Variants in MAP3K2 observed in about 807,000 individuals in gnomAD.
The protein encoded by MAP3K2 is mitogen-activated protein kinase kinase kinase 2, also known as MAP/ERK kinase kinase 2.
In MAP3K2, 24 loss-of-function variants were observed where a neutral mutation model predicts 80.3. The ratio of observed to expected loss-of-function variants is 0.30; its 90% CI spans 0.22 to 0.42. The LOEUF is 0.42. MAP3K2 is among the 10% of genes least tolerant of loss of function. The pLI, the probability that MAP3K2 is intolerant of heterozygous loss-of-function variation, is 1.00. For missense variants in MAP3K2, 608 were observed against 750.1 expected, an observed-to-expected ratio of 0.81 and a Z score of 2.21; for synonymous variants, 244 against 253.7, an observed-to-expected ratio of 0.96 and a Z score of 0.36.
Position 127,378,981 on chromosome 2 carries a change from GTTT to G in MAP3K2, c.-66+8468_-66+8470del, listed in dbSNP as rs58961718. Reference sequence around the variant, plus strand: ...GGCTAATTTTGTGGGGTTTTTTGTTGTTTTTTTTTTTTTTTTTTTTTGGAGAGA... The same window carrying G: ...GGCTAATTTTGTGGGGTTTTTTGTTGTTTTTTTTTTTTTTTTTTGGAGAGA... On this transcript the variant is annotated intron_variant, in intron 1 of 16. Transcript: ENST00000682094. 3.8e-3 allele frequency among the ~76,000 whole-genome samples: 331 copies of G among 88,054 alleles called. 2 individuals are homozygous for G. The highest frequency in any genetic ancestry group is 0.016 in the Middle Eastern group (2 of 128). 57.8% of individuals were successfully genotyped at this position (88,054 alleles called of 152,430 possible). A position where few individuals can be genotyped will look rare whatever the true frequency, so the allele number is the denominator to read the frequency against.
chr2:127,314,900 CAA>C lies in MAP3K2; in HGVS notation c.1327-19_1327-18del. On this transcript the variant is annotated intron_variant, in intron 14 of 16. Transcript: ENST00000682094. Reference sequence around the variant, plus strand: ...AATTGAACCCTAGGAGAAAAGAAAACAAAAATAAAAACTACTGTATATGGTTT... The same window carrying C: ...AATTGAACCCTAGGAGAAAAGAAAACAAATAAAAACTACTGTATATGGTTT... 1 of 1,537,714 alleles carries C rather than the reference CAA, an allele frequency of 6.5e-7. No homozygotes were observed. Among genetic ancestry groups the C allele is most frequent in the East Asian group, 2.3e-5 (1 of 42,830 alleles).
At chr2:127,333,546 C>A (rs971994430) in intron 5 of MAP3K2, among the ~76,000 whole-genome samples, 2 of 152,098 alleles carry the variant, frequency 1.3e-5, no homozygotes, top group Non-Finnish European at 2.9e-5. Context: ...CTTTAGTACC[C>A]CCAGTGTCCA....
At chr2:127,348,858 C>A (rs1290035976) in intron 1 of MAP3K2, among the ~76,000 whole-genome samples, 1 of 152,114 alleles carries the variant, frequency 6.6e-6, no homozygotes, top group Non-Finnish European at 1.5e-5. Context: ...GCCTCAGCTC[C>A]AGTCAATAGC....
intron 7 of MAP3K2, among the ~76,000 whole-genome samples, chr2:127,329,653 C>G (rs1378591406): frequency 6.6e-6 from 1 of 152,142 alleles, no homozygotes; most frequent in Non-Finnish European, 1.5e-5. Context: ...CCGCGCCCAG[C>G]CTAAAACCTC....
chr2:127,340,747 G>A lies in MAP3K2; in HGVS notation c.5-1697C>T, dbSNP rs143228269. ...CTTTTTTTATTTTTTTGTAGAGATG[G>A]GGGTCTCACCATGTTGCCCAGGCTG... On this transcript the variant is annotated intron_variant, in intron 2 of 16. Transcript: ENST00000682094. Among the ~76,000 whole-genome samples, 502 of 151,552 alleles carry A rather than the reference G, an allele frequency of 3.3e-3. 2 individuals carry two copies. Among genetic ancestry groups the A allele is most frequent in the African/African-American group, 0.011 (468 of 41,298 alleles).
chr2:127,385,407 T>C (rs896510056), intron 1 of MAP3K2, among the ~76,000 whole-genome samples: 2 of 152,258 alleles, frequency 1.3e-5, no homozygotes, highest in African/African-American at 2.4e-5. Flanking sequence ...TTAAGGTATA[T>C]ACTTTTTTTA....
chr2:127,338,906 A>G, intron 3 of MAP3K2, 26 bp downstream of exon 3: 1 of 1,437,358 alleles, frequency 7.0e-7, no homozygotes, highest in East Asian at 2.5e-5. Flanking sequence ...AGTAATTCAT[A>G]AAAAAATACT....
intron 3 of MAP3K2, among the ~76,000 whole-genome samples, chr2:127,338,075 T>C (rs1212844578): frequency 6.6e-6 from 1 of 152,212 alleles, no homozygotes; most frequent in Non-Finnish European, 1.5e-5. Context: ...CAGAATATTA[T>C]ATTTTTATGT....
intron 1 of MAP3K2, among the ~76,000 whole-genome samples, chr2:127,346,168 A>G (rs1008328867): frequency 1.3e-5 from 2 of 151,382 alleles, no homozygotes; most frequent in Non-Finnish European, 2.9e-5. Flanking sequence ...AACCTTTCAG[A>G]AATAAAAAGG....
At chr2:127,360,538 T>C (rs980995536) in intron 1 of MAP3K2, among the ~76,000 whole-genome samples, 15 of 152,196 alleles carry the variant, frequency 9.9e-5, no homozygotes, top group African/African-American at 2.9e-4. Context: ...TATACACATA[T>C]GTCAAAATTT....
At chr2:127,376,018 C>G (rs1361284057) in intron 1 of MAP3K2, among the ~76,000 whole-genome samples, 1 of 152,126 alleles carries the variant, frequency 6.6e-6, no homozygotes, top group African/African-American at 2.4e-5. Context: ...ACCTACTGCA[C>G]ATATCTGTAC....
chr2:127,366,866 G>GTGT (rs1686980456), intron 1 of MAP3K2, among the ~76,000 whole-genome samples: 3 of 85,124 alleles, frequency 3.5e-5, no homozygotes. Flanking sequence ...ACAGTCAAGG[G>GTGT]TTTTTTTTTT....
intron 9 of MAP3K2, among the ~76,000 whole-genome samples, chr2:127,324,583 C>A (rs1310467338): frequency 6.6e-6 from 1 of 152,130 alleles, no homozygotes; most frequent in East Asian, 1.9e-4. Context: ...TAATTTCCAA[C>A]TATTCAAGTG....
chr2:127,359,142 T>C (rs1483508684), intron 1 of MAP3K2, among the ~76,000 whole-genome samples: 1 of 152,176 alleles, frequency 6.6e-6, no homozygotes, highest in Non-Finnish European at 1.5e-5. Flanking sequence ...TATACAACAC[T>C]GTATCTGTCA....
chr2:127,308,783 C>T, intron 15 of MAP3K2, 21 bp from the exon 16 acceptor site: 1 of 1,603,850 alleles, frequency 6.2e-7, no homozygotes, highest in East Asian at 2.2e-5. Flanking sequence ...GACATTGCCT[C>T]ATTTCATTAA....
chr2:127,331,561 G>A (rs1447128048), intron 5 of MAP3K2, among the ~76,000 whole-genome samples: 1 of 152,186 alleles, frequency 6.6e-6, no homozygotes, highest in Non-Finnish European at 1.5e-5. Flanking sequence ...CCACTAGCTG[G>A]CATGGTGTAT....
At chr2:127,308,857 T>A in intron 15 of MAP3K2, 95 bp from the exon 16 acceptor site, 1 of 1,300,318 alleles carries the variant, frequency 7.7e-7, no homozygotes, top group Non-Finnish European at 1.1e-6. Context: ...CATAGACTCT[T>A]TGATTTGTCC....
At position 127,300,556 on chromosome 2, in the gene MAP3K2, G is replaced by A. The variant is rs1685571178; in HGVS notation, c.*7023C>T. The A allele has an allele frequency of 1.3e-5, 2 of 152,262 alleles. 1 individual carries two copies. The highest frequency in any genetic ancestry group is 4.1e-4 in the South Asian group (2 of 4,826). The allele number at this position is 152,262 out of a possible 1,614,324, so 9.4% of individuals were successfully genotyped here. On this transcript the variant is annotated 3_prime_UTR_variant, in exon 17 of 17. Coordinates refer to ENST00000682094, the MANE Select transcript of MAP3K2 (RefSeq NM_001371910.2). Reference sequence around the variant, plus strand: ...ATGAATAAAAAGAACCATGTGAAATGTAAGAGATGTCAGACATTAAAAGTA... The same window carrying A: ...ATGAATAAAAAGAACCATGTGAAATATAAGAGATGTCAGACATTAAAAGTA...
chr2:127,332,062 G>A (rs780953107), intron 5 of MAP3K2, among the ~76,000 whole-genome samples: 2 of 152,144 alleles, frequency 1.3e-5, no homozygotes, highest in East Asian at 1.9e-4. Flanking sequence ...GTAAGGGACC[G>A]ACTAACTGGG....
Sources: allele counts gnomAD v4.1 joint callset (sites outside exome capture counted in the v4.1 genomes callset), GRCh38; gene constraint gnomAD v4.1.1; transcripts MANE v1.5; gene names NCBI Gene and HGNC (gene_info 2026-07-23, HGNC 2026-07-21).